MIGA1: variants seen among roughly 807,000 people sequenced by gnomAD.
The protein encoded by MIGA1 is family with sequence similarity 73, member A.
MIGA1 carries 58 observed loss-of-function variants against 82.0 expected under a neutral mutation model. The observed-to-expected ratio is 0.71, with a 90% CI of 0.57 to 0.88. The LOEUF is 0.88. Ranked by LOEUF, MIGA1 falls within the 40% of genes least tolerant of loss-of-function variation. MIGA1 has a pLI of 0.00. For synonymous variants in MIGA1, 249 were observed against 253.6 expected, an observed-to-expected ratio of 0.98 and a Z score of 0.17; for missense variants, 751 against 749.1, an observed-to-expected ratio of 1.00 and a Z score of -0.03.
At chr1:77,820,688 G>T (rs543684138) in intron 7 of MIGA1, among the ~76,000 whole-genome samples, 55 of 151,630 alleles carry the variant, frequency 3.6e-4, no homozygotes, top group Non-Finnish European at 5.9e-4. Context: ...TAAAATTTCT[G>T]GTCCACTGAT....
intron 7 of MIGA1, among the ~76,000 whole-genome samples, chr1:77,842,820 G>A (rs1473419867): frequency 1.3e-5 from 2 of 152,222 alleles, no homozygotes; most frequent in Non-Finnish European, 2.9e-5. Context: ...GGGATTACAG[G>A]TGTGAGCCAC....
chr1:77,867,628 C>T (rs530658483), intron 14 of MIGA1, among the ~76,000 whole-genome samples: 1 of 152,264 alleles, frequency 6.6e-6, no homozygotes, highest in Non-Finnish European at 1.5e-5. Context: ...GTGCCTAGCC[C>T]TCATAGGGTT....
chr1:77,870,845 G>GC (rs1218602603), intron 14 of MIGA1, among the ~76,000 whole-genome samples: 2 of 151,176 alleles, frequency 1.3e-5, no homozygotes, highest in Non-Finnish European at 3.0e-5. Context: ...ACCTCGGGAG[G>GC]CCGAGGCCGG....
intron 4 of MIGA1, among the ~76,000 whole-genome samples, chr1:77,803,663 T>C (rs1682976185): frequency 6.6e-6 from 1 of 152,172 alleles, no homozygotes; most frequent in South Asian, 2.1e-4. Flanking sequence ...TGCTTCAAAA[T>C]TAGATGTTCT....
In MIGA1 at chr1:77,861,218, C is replaced by T; in HGVS notation, c.1276-6C>T. On this transcript the variant is annotated splice_region_variant and splice_polypyrimidine_tract_variant and intron_variant, in intron 11 of 15. Coordinates refer to ENST00000370791, the MANE Select transcript of MIGA1 (RefSeq NM_198549.4). ...GTTTAGGGTTAAAATGTGTTTTCTT[C>T]TTCAGAATCCAAAGAAGTTTGAAGA... 6.3e-7 allele frequency: 1 copy of T among 1,582,678 alleles called. No homozygotes were observed. The highest frequency in any genetic ancestry group is 8.7e-7 in the Non-Finnish European group (1 of 1,154,478).
chr1:77,878,827 C>A lies in MIGA1; in HGVS notation c.*3763C>A. 5.2e-6 allele frequency: 2 copies of A among 382,918 alleles called. No homozygotes were observed. The highest frequency in any genetic ancestry group is 1.3e-4 in the South Asian group (1 of 7,650). The allele number at this position is 382,918 out of a possible 1,614,324, so 23.7% of individuals were successfully genotyped here. ...AAAGAAGACAAGTTTTCCATACTGT[C>A]ACAGTAAGCTCCAAAGAACTTTGTC... is the stretch of plus-strand genomic sequence containing the variant. On this transcript the variant is annotated 3_prime_UTR_variant, in exon 16 of 16. Coordinates refer to ENST00000370791, the MANE Select transcript of MIGA1 (RefSeq NM_198549.4).
At chr1:77,829,266 A>C (rs1001909205) in intron 7 of MIGA1, among the ~76,000 whole-genome samples, 7 of 152,142 alleles carry the variant, frequency 4.6e-5, no homozygotes, top group Admixed American at 1.3e-4. Context: ...CAAAAAAATA[A>C]GTAGAATAAT....
At chr1:77,841,622 A>G (rs754593686) in intron 7 of MIGA1, among the ~76,000 whole-genome samples, 5 of 151,342 alleles carry the variant, frequency 3.3e-5, no homozygotes, top group South Asian at 2.1e-4. Flanking sequence ...GTTTTTTGGT[A>G]CTTAGGGTTT....
chr1:77,815,101 C>A lies in MIGA1; in HGVS notation c.772-7C>A. The A allele has an allele frequency of 6.5e-7, 1 of 1,529,964 alleles. No homozygotes were observed. The highest frequency in any genetic ancestry group is 8.8e-7 in the Non-Finnish European group (1 of 1,131,736). 94.8% of individuals were successfully genotyped at this position (1,529,964 alleles called of 1,614,324 possible). On this transcript the variant is annotated splice_polypyrimidine_tract_variant and splice_region_variant and intron_variant, in intron 6 of 15. Transcript: ENST00000370791. ...ATTTGTTCTGTGTACTTTTTCTCTC[C>A]TTGTAGGATATTATTAGTACTGAAT...
intron 8 of MIGA1, among the ~76,000 whole-genome samples, chr1:77,858,014 T>A (rs181518826): frequency 8.5e-5 from 13 of 152,254 alleles, no homozygotes; most frequent in African/African-American, 2.6e-4. Flanking sequence ...CTCCTCTTTT[T>A]AAAAAATGCT....
chr1:77,783,352 G>C lies in MIGA1; in HGVS notation c.195+1G>C. On this transcript the variant is annotated splice_donor_variant, in intron 2 of 15. Coordinates refer to ENST00000370791, the MANE Select transcript of MIGA1 (RefSeq NM_198549.4). LOFTEE classifies it high-confidence loss of function. Reference sequence around the variant, plus strand: ...GACTTGGTACTATTCTCTCTCCCAGGTAAATAAAAGAAGCAAACAGGAAGT... The same window carrying C: ...GACTTGGTACTATTCTCTCTCCCAGCTAAATAAAAGAAGCAAACAGGAAGT... 1.3e-6 allele frequency: 2 copies of C among 1,534,234 alleles called. No individual in the cohort carries two copies. The highest frequency in any genetic ancestry group is 2.3e-5 in the East Asian group (1 of 44,266).
intron 2 of MIGA1, 22 bp from the exon 3 acceptor site, chr1:77,801,306 TCAA>T (rs1409764378): frequency 2.0e-6 from 3 of 1,516,464 alleles, no homozygotes; most frequent in African/African-American, 1.4e-5. Context: ...GAGATTTTTT[TCAA>T]TTTTAACTGA....
intron 7 of MIGA1, among the ~76,000 whole-genome samples, chr1:77,826,964 C>G (rs1314618836): frequency 6.7e-6 from 1 of 149,984 alleles, no homozygotes; most frequent in Non-Finnish European, 1.5e-5. Context: ...GCCAGCACGC[C>G]CAGCTAATTT....
intron 5 of MIGA1, among the ~76,000 whole-genome samples, chr1:77,812,981 C>T (rs761603669): frequency 4.6e-5 from 7 of 152,044 alleles, no homozygotes; most frequent in South Asian, 4.1e-4. Flanking sequence ...TTTTCTTCAG[C>T]TTTACTTTCT....
chr1:77,845,428 A>G (rs1684800413), intron 8 of MIGA1, among the ~76,000 whole-genome samples: 1 of 152,064 alleles, frequency 6.6e-6, no homozygotes, highest in Non-Finnish European at 1.5e-5. Context: ...TTTTTTTCTA[A>G]TATGCAACTT....
Position 77,807,009 on chromosome 1 carries a change from G to A in MIGA1, c.545G>A (p.Cys182Tyr). 6.2e-7 allele frequency: 1 copy of A among 1,612,196 alleles called. No individual in the cohort carries two copies. The change falls in exon 5 of 16, where the codon TGT becomes TAT. Residue 182 changes from cysteine to tyrosine, a missense_variant. Around this residue, in one of 3 missense-constraint regions of MIGA1, gnomAD observed 482 missense variants for 439.4 expected, o/e 1.10. Coordinates refer to ENST00000370791, the MANE Select transcript of MIGA1 (RefSeq NM_198549.4). ...GTCAATTCTTGTCATAGCTGCGCTT[G>A]TGGCAATTCTAATTCCTGGGACAAA... is the stretch of plus-strand genomic sequence containing the variant.
At chr1:77,872,899 A>G in intron 14 of MIGA1, 105 bp from the exon 15 acceptor site, 2 of 1,452,420 alleles carry the variant, frequency 1.4e-6, no homozygotes, top group South Asian at 1.2e-5. Flanking sequence ...AAATTTTCTT[A>G]AACTCCCACT....
chr1:77,786,950 A>G (rs1435730878), intron 2 of MIGA1, among the ~76,000 whole-genome samples: 3 of 152,214 alleles, frequency 2.0e-5, no homozygotes, highest in Non-Finnish European at 4.4e-5. Flanking sequence ...TGCTGCTGAT[A>G]AAGACATACC....
At chr1:77,823,721 T>C (rs571763862) in intron 7 of MIGA1, among the ~76,000 whole-genome samples, 2 of 152,298 alleles carry the variant, frequency 1.3e-5, no homozygotes, top group East Asian at 3.9e-4. Flanking sequence ...CATGCCACTG[T>C]GCCTGGCTAA....
Sources: allele counts gnomAD v4.1 joint callset (sites outside exome capture counted in the v4.1 genomes callset), GRCh38; gene constraint gnomAD v4.1.1; regional missense constraint gnomAD v4.1.1; transcripts MANE v1.5; gene names NCBI Gene and HGNC (gene_info 2026-07-23, HGNC 2026-07-21).